The following FGF13 variants were observed in gnomAD, a reference collection of about 807,000 sequenced individuals.
FGF13 encodes the protein fibroblast growth factor 13.
A neutral mutation model predicts 19.5 loss-of-function variants in FGF13; 2 were observed. That is an observed-to-expected ratio of 0.10 (90% CI 0.04 to 0.32). The LOEUF (loss-of-function observed/expected upper bound fraction) is 0.32, where lower values mean the gene tolerates loss of function less well. Ranked by LOEUF, FGF13 falls within the 10% of genes least tolerant of loss-of-function variation. FGF13 has a pLI of 1.00. For missense variants in FGF13, 113 were observed against 192.7 expected, an observed-to-expected ratio of 0.59 and a Z score of 2.45; for synonymous variants, 72 against 76.9, an observed-to-expected ratio of 0.94 and a Z score of 0.33.
intron 1 of FGF13, among the ~76,000 whole-genome samples, chrX:139,164,249 A>C (rs182956842): frequency 1.1e-4 from 12 of 110,838 alleles, no homozygotes; most frequent in South Asian, 3.8e-4. Context: ...ATGGGTTTTC[A>C]TGTGGTAGTT....
chrX:138,936,913 T>C (rs926922124), intron 1 of FGF13, among the ~76,000 whole-genome samples: 2 of 111,597 alleles, frequency 1.8e-5, no homozygotes, highest in African/African-American at 6.5e-5. Flanking sequence ...GGATTAAAGG[T>C]CTGGGCATAT....
intron 3 of FGF13, among the ~76,000 whole-genome samples, chrX:138,838,393 T>C (rs1449667456): frequency 8.9e-6 from 1 of 111,910 alleles, no homozygotes; most frequent in Non-Finnish European, 1.9e-5. Flanking sequence ...AGAAACTCCG[T>C]GTAGCTCTGT....
chrX:139,137,358 A>T (rs2083809104), intron 1 of FGF13, among the ~76,000 whole-genome samples: 1 of 112,333 alleles, frequency 8.9e-6, no homozygotes, highest in African/African-American at 3.2e-5. Flanking sequence ...TGTAGAACAC[A>T]TACCAACCAA....
chrX:139,160,021 A>G (rs1463393089), intron 1 of FGF13, among the ~76,000 whole-genome samples: 1 of 111,885 alleles, frequency 8.9e-6, no homozygotes, highest in East Asian at 2.8e-4. Context: ...CTCCACCCCA[A>G]ATCAACAGAA....
chrX:138,925,579 G>A (rs1002517714), intron 1 of FGF13, among the ~76,000 whole-genome samples: 2 of 111,369 alleles, frequency 1.8e-5, no homozygotes, highest in African/African-American at 3.3e-5. Context: ...AAACACAAGC[G>A]TATGACTCAG....
chrX:138,697,047 AATT>A (rs2089903186), intron 3 of FGF13, among the ~76,000 whole-genome samples: 1 of 112,256 alleles, frequency 8.9e-6, no homozygotes. Context: ...TGTGTTGAAA[AATT>A]ATAAAATTTT....
intron 1 of FGF13, among the ~76,000 whole-genome samples, chrX:139,043,078 T>C (rs929722771): frequency 2.7e-5 from 3 of 111,448 alleles, no homozygotes; most frequent in Non-Finnish European, 5.6e-5. Flanking sequence ...TATGTGCACA[T>C]GTGAAGGAAC....
At chrX:139,102,834 C>CA (rs781700051) in intron 1 of FGF13, among the ~76,000 whole-genome samples, 3 of 112,612 alleles carry the variant, frequency 2.7e-5, no homozygotes, top group Admixed American at 1.9e-4. Flanking sequence ...GGAAAGGCTC[C>CA]ATGGACAAGC....
chrX:139,014,134 A>G (rs2092143064), intron 1 of FGF13, among the ~76,000 whole-genome samples: 1 of 111,537 alleles, frequency 9.0e-6, no homozygotes, highest in Non-Finnish European at 1.9e-5. Flanking sequence ...GTTTATAGCT[A>G]TAAGTGCCTA....
intron 1 of FGF13, among the ~76,000 whole-genome samples, chrX:139,139,022 C>T (rs762122506): frequency 9.3e-6 from 1 of 107,885 alleles, no homozygotes; most frequent in African/African-American, 3.4e-5. Flanking sequence ...CTCCTTCTCC[C>T]GGATCCAAGC....
At chrX:138,960,237 C>T (rs969189118) in intron 1 of FGF13, among the ~76,000 whole-genome samples, 6 of 111,635 alleles carry the variant, frequency 5.4e-5, no homozygotes, top group Non-Finnish European at 9.4e-5. Flanking sequence ...AATCTCTCAG[C>T]ATTTGCTTGT....
At chrX:138,814,657 C>T (rs2090949564) in intron 3 of FGF13, among the ~76,000 whole-genome samples, 1 of 111,110 alleles carries the variant, frequency 9.0e-6, no homozygotes, top group Admixed American at 9.6e-5. Flanking sequence ...TGAGATACTA[C>T]TTGATACCTC....
intron 1 of FGF13, among the ~76,000 whole-genome samples, chrX:138,881,570 G>C (rs989364648): frequency 1.8e-5 from 2 of 111,434 alleles, no homozygotes; most frequent in East Asian, 5.7e-4. Context: ...TTCAAATTAC[G>C]GATTCCATCT....
chrX:138,855,005 T>TA (rs1213719976), downstream of FGF13, among the ~76,000 whole-genome samples: 2,654 of 100,757 alleles, frequency 0.026, 63 homozygotes, highest in African/African-American at 0.062. Context: ...ATCCATTTGT[T>TA]AAAAAAAAAA....
chrX:138,681,233 T>C (rs959422341), intron 3 of FGF13, among the ~76,000 whole-genome samples: 12 of 111,105 alleles, frequency 1.1e-4, no homozygotes, highest in African/African-American at 3.9e-4. Context: ...CCTTCATCAA[T>C]GATCTTAGCT....
At chrX:138,990,638 T>A (rs2092011727) in intron 1 of FGF13, 2 of 110,508 alleles carry the variant, frequency 1.8e-5, no homozygotes, top group South Asian at 3.9e-4. Flanking sequence ...AACCATCAGA[T>A]CTCGTGAGAC....
chrX:138,635,361 C>T, intron 4 of FGF13, 96 bp downstream of exon 4: 3 of 938,650 alleles, frequency 3.2e-6, no homozygotes, highest in Non-Finnish European at 4.4e-6. Context: ...GTCTATGTAA[C>T]CAAAAACCAC....
At chrX:139,132,243 A>G (rs1276727347) in intron 1 of FGF13, among the ~76,000 whole-genome samples, 1 of 111,845 alleles carries the variant, frequency 8.9e-6, no homozygotes, top group Non-Finnish European at 1.9e-5. Context: ...TTAATTCATT[A>G]TATTTGGCCT....
chrX:139,127,223 G>A (rs769735057), intron 1 of FGF13, among the ~76,000 whole-genome samples: 1 of 111,381 alleles, frequency 9.0e-6, no homozygotes, highest in South Asian at 3.8e-4. Context: ...GTCAGAGGAA[G>A]GGAGGCGATC....
Sources: gnomAD v4.1 joint callset for allele counts (sites outside exome capture counted in the v4.1 genomes callset) on GRCh38, gnomAD v4.1.1 for gene constraint, MANE v1.5 for transcripts, NCBI Gene and HGNC (gene_info 2026-07-23, HGNC 2026-07-21) for gene names.